The following VKORC1L1 variants were observed in gnomAD, a reference collection of about 807,000 sequenced individuals.
VKORC1L1 encodes vitamin K epoxide reductase complex subunit 1-like protein 1.
VKORC1L1 carries 2 observed loss-of-function variants against 18.9 expected under a neutral mutation model. The observed-to-expected ratio is 0.11, with a 90% CI of 0.04 to 0.33. VKORC1L1 has a LOEUF of 0.33. VKORC1L1 is among the 10% of genes least tolerant of loss of function. The pLI, the probability that VKORC1L1 is intolerant of heterozygous loss-of-function variation, is 1.00. For synonymous variants in VKORC1L1, 96 were observed against 100.0 expected, an observed-to-expected ratio of 0.96 and a Z score of 0.24; for missense variants, 123 against 224.1, an observed-to-expected ratio of 0.55 and a Z score of 2.88.
intron 1 of VKORC1L1, among the ~76,000 whole-genome samples, chr7:65,896,716 C>A (rs796563202): frequency 6.6e-6 from 1 of 152,064 alleles, no homozygotes; most frequent in Non-Finnish European, 1.5e-5. Context: ...AAAACAGACA[C>A]GCTGCTGGGC....
At chr7:65,939,445 T>G (rs139461597) in intron 1 of VKORC1L1, among the ~76,000 whole-genome samples, 33 of 152,228 alleles carry the variant, frequency 2.2e-4, no homozygotes, top group African/African-American at 7.9e-4. Flanking sequence ...TATCATGGAT[T>G]TGGTAATAAT....
intron 1 of VKORC1L1, among the ~76,000 whole-genome samples, chr7:65,917,638 C>T (rs1239643888): frequency 6.6e-6 from 1 of 152,182 alleles, no homozygotes; most frequent in Non-Finnish European, 1.5e-5. Flanking sequence ...TGTATATCCA[C>T]CACTCAGATT....
intron 1 of VKORC1L1, among the ~76,000 whole-genome samples, chr7:65,907,476 T>C (rs1160081300): frequency 6.6e-6 from 1 of 152,042 alleles, no homozygotes; most frequent in Admixed American, 6.6e-5. Flanking sequence ...TAAATATCTT[T>C]CCTCATACAA....
chr7:65,927,809 T>C (rs1789790859), intron 1 of VKORC1L1, among the ~76,000 whole-genome samples: 1 of 152,234 alleles, frequency 6.6e-6, no homozygotes, highest in Non-Finnish European at 1.5e-5. Context: ...TTGGCCCTAG[T>C]GGCTGCACTT....
At chr7:65,902,851 T>TTTTA (rs147563570) in intron 1 of VKORC1L1, among the ~76,000 whole-genome samples, 2,639 of 151,186 alleles carry the variant, frequency 0.017, 47 homozygotes, top group East Asian at 0.087. Context: ...ACATCTTTAA[T>TTTTA]TTTATTTATT....
intron 1 of VKORC1L1, among the ~76,000 whole-genome samples, chr7:65,918,466 A>C (rs1157108324): frequency 1.3e-5 from 2 of 152,252 alleles, no homozygotes; most frequent in African/African-American, 4.8e-5. Context: ...GCTTTTACAT[A>C]GGAGAGACAT....
At chr7:65,930,590 G>A (rs1414684127) in intron 1 of VKORC1L1, among the ~76,000 whole-genome samples, 1 of 152,184 alleles carries the variant, frequency 6.6e-6, no homozygotes, top group Non-Finnish European at 1.5e-5. Context: ...TCAGAGTTCT[G>A]TATGTATATA....
At chr7:65,927,794 G>A (rs1343288862) in intron 1 of VKORC1L1, among the ~76,000 whole-genome samples, 1 of 152,260 alleles carries the variant, frequency 6.6e-6, no homozygotes, top group East Asian at 1.9e-4. Context: ...CCAAACATTT[G>A]TCTTTTGGCC....
upstream of VKORC1L1, among the ~76,000 whole-genome samples, chr7:65,870,632 AGCATG>A (rs1788715109): frequency 2.0e-5 from 3 of 152,244 alleles, no homozygotes; most frequent in African/African-American, 7.2e-5. Flanking sequence ...TATTCACAAT[AGCATG>A]GGTAAACCTC....
At chr7:65,867,408 CTT>C in the VKORC1L1 span, among the ~76,000 whole-genome samples, 5 of 152,156 alleles carry the variant, frequency 3.3e-5, no homozygotes, top group East Asian at 9.6e-4. Flanking sequence ...TTAAGTTACT[CTT>C]ATTGCATAAT....
intron 1 of VKORC1L1, among the ~76,000 whole-genome samples, chr7:65,874,485 CCG>C (rs1171613914): frequency 1.3e-5 from 2 of 152,008 alleles, no homozygotes; most frequent in Non-Finnish European, 2.9e-5. Context: ...GCATGAGCCA[CCG>C]CGCCTGGCCT....
intron 1 of VKORC1L1, among the ~76,000 whole-genome samples, chr7:65,888,758 CCAAT>C (rs1388001272): frequency 4.6e-5 from 7 of 152,262 alleles, no homozygotes; most frequent in Non-Finnish European, 7.4e-5. Flanking sequence ...ACACTCAGAC[CCAAT>C]CAGTGTTCTC....
At chr7:65,952,772 T>A (rs1311968529) in intron 2 of VKORC1L1, among the ~76,000 whole-genome samples, 2 of 123,852 alleles carry the variant, frequency 1.6e-5, no homozygotes, top group Admixed American at 2.3e-4. Context: ...GGTGCCTTTT[T>A]TTTTCCTTTT....
At chr7:65,909,696 G>GTGTC (rs1789469855) in intron 1 of VKORC1L1, among the ~76,000 whole-genome samples, 1 of 142,052 alleles carries the variant, frequency 7.0e-6, no homozygotes, top group African/African-American at 2.7e-5. Flanking sequence ...GCCTTTGTGT[G>GTGTC]TGTGTGTGTG....
chr7:65,951,774 A>C (rs977658118), intron 2 of VKORC1L1, among the ~76,000 whole-genome samples: 4 of 152,142 alleles, frequency 2.6e-5, no homozygotes, highest in Non-Finnish European at 5.9e-5. Context: ...GGCAGATGCT[A>C]TACCCACTGT....
intron 1 of VKORC1L1, among the ~76,000 whole-genome samples, chr7:65,929,654 G>A (rs1583855308): frequency 3.1e-5 from 4 of 129,052 alleles, no homozygotes; most frequent in South Asian, 2.6e-4. Flanking sequence ...ATATATATAT[G>A]TATGTGTGTG....
intron 1 of VKORC1L1, among the ~76,000 whole-genome samples, chr7:65,936,534 G>T (rs1789944742): frequency 6.6e-6 from 1 of 152,188 alleles, no homozygotes; most frequent in Non-Finnish European, 1.5e-5. Flanking sequence ...TTGCTATCCT[G>T]TTTGAGTTTG....
chr7:65,913,195 T>C (rs950165641), intron 1 of VKORC1L1, among the ~76,000 whole-genome samples: 2 of 152,186 alleles, frequency 1.3e-5, no homozygotes, highest in South Asian at 2.1e-4. Flanking sequence ...TTATGAAATA[T>C]ATATCATATT....
chr7:65,891,080 GCTT>G (rs1281716751), intron 1 of VKORC1L1, among the ~76,000 whole-genome samples: 5 of 149,206 alleles, frequency 3.4e-5, no homozygotes, highest in African/African-American at 1.2e-4. Context: ...GCTGTGTCTG[GCTT>G]CTTTTGCCCA....
Sources: gnomAD v4.1 joint callset for allele counts (sites outside exome capture counted in the v4.1 genomes callset) on GRCh38, gnomAD v4.1.1 for gene constraint, MANE v1.5 for transcripts, NCBI Gene and HGNC (gene_info 2026-07-23, HGNC 2026-07-21) for gene names.